Variants in MTHFD1L observed in about 807,000 individuals in gnomAD.
The protein encoded by MTHFD1L is methylenetetrahydrofolate dehydrogenase (NADP+ dependent) 1 like.
In MTHFD1L, 81 loss-of-function variants were observed where a neutral mutation model predicts 119.5. That is an observed-to-expected ratio of 0.68 (90% CI 0.57 to 0.82). MTHFD1L has a LOEUF of 0.82. Ranked by LOEUF, MTHFD1L falls within the 40% of genes least tolerant of loss-of-function variation. MTHFD1L has a pLI of 0.00. For synonymous variants in MTHFD1L, 430 were observed against 475.2 expected (o/e 0.90, Z 1.24); for missense variants, 1,125 against 1,253.4 (o/e 0.90, Z 1.55).
chr6:150,968,846 CTTTT>C (rs145806257), intron 19 of MTHFD1L, among the ~76,000 whole-genome samples: 2 of 108,534 alleles, frequency 1.8e-5, no homozygotes, highest in Non-Finnish European at 3.7e-5. Flanking sequence ...TTAAATAATT[CTTTT>C]TTTTTTTTTT....
At chr6:150,921,546 C>G (rs1333971248) in intron 9 of MTHFD1L, among the ~76,000 whole-genome samples, 1 of 152,186 alleles carries the variant, frequency 6.6e-6, no homozygotes, top group East Asian at 1.9e-4. Flanking sequence ...GCCACCTCAC[C>G]TGGCCTATTT....
At chr6:151,003,443 A>G (rs1780907722) in intron 20 of MTHFD1L, among the ~76,000 whole-genome samples, 1 of 152,070 alleles carries the variant, frequency 6.6e-6, no homozygotes, top group African/African-American at 2.4e-5. Context: ...GAGGCAGGAG[A>G]ATCGCTCGAA....
chr6:150,952,307 T>A (rs1794976968), intron 16 of MTHFD1L, among the ~76,000 whole-genome samples: 1 of 152,224 alleles, frequency 6.6e-6, no homozygotes, highest in African/African-American at 2.4e-5. Flanking sequence ...GAAATAGGAC[T>A]CTTCATCAAA....
At chr6:150,936,983 G>T (rs771493975) in intron 12 of MTHFD1L, 43 bp downstream of exon 12, 15 of 1,600,634 alleles carry the variant, frequency 9.4e-6, no homozygotes, top group Middle Eastern at 1.7e-4. Flanking sequence ...GGCAAAGTTG[G>T]GGGGAGAGAA....
chr6:150,926,201 A>G lies in MTHFD1L; in HGVS notation c.1162A>G (p.Ile388Val), dbSNP rs148879377. ...AKEIGLLADE[I>V]EIYGKSKAKV... ...GGAGATTGGATTGCTTGCAGATGAA[A>G]TTGAAATCTATGGCAAAAGCAAAGC... The change falls in exon 11 of 28, where the codon ATT becomes GTT. Residue 388 changes from isoleucine to valine, a missense_variant. Coordinates refer to ENST00000367321, the MANE Select transcript of MTHFD1L (RefSeq NM_015440.5). The surrounding 1 kb of genome is among the most constrained non-coding windows in gnomAD (Gnocchi z 4.3). The G allele has an allele frequency of 1.3e-4, 216 of 1,614,136 alleles. No homozygotes were observed. The African/African-American group carries it at 2.6e-3, about 20-fold the overall frequency.
intron 26 of MTHFD1L, among the ~76,000 whole-genome samples, chr6:151,067,486 G>A (rs1377695756): frequency 1.3e-5 from 2 of 151,894 alleles, no homozygotes; most frequent in African/African-American, 4.8e-5. Context: ...ACCACACCCA[G>A]CTAATTTTTG....
At chr6:150,958,256 G>T (rs1795928991) in intron 17 of MTHFD1L, among the ~76,000 whole-genome samples, 1 of 152,042 alleles carries the variant, frequency 6.6e-6, no homozygotes, top group African/African-American at 2.4e-5. Context: ...GTCGATAAAG[G>T]TAGACCTGTA....
chr6:151,004,247 C>T (rs528490757), intron 20 of MTHFD1L, among the ~76,000 whole-genome samples: 3 of 152,034 alleles, frequency 2.0e-5, no homozygotes, highest in African/African-American at 4.8e-5. Flanking sequence ...ATCACTTGAA[C>T]GTGGGAGGCG....
At chr6:151,044,811 T>A (rs926241060) in intron 26 of MTHFD1L, among the ~76,000 whole-genome samples, 5 of 152,202 alleles carry the variant, frequency 3.3e-5, no homozygotes, top group African/African-American at 1.2e-4. Flanking sequence ...AGCAGGAAAC[T>A]GCTGGAGCGT....
chr6:150,921,063 C>T (rs9478149), intron 9 of MTHFD1L, among the ~76,000 whole-genome samples: 13,347 of 148,330 alleles, frequency 0.09, 842 homozygotes, highest in African/African-American at 0.18. Context: ...GTGATTCTCC[C>T]GCCTCAGCCT....
intron 1 of MTHFD1L, among the ~76,000 whole-genome samples, chr6:150,872,634 T>C (rs1779729702): frequency 6.6e-6 from 1 of 152,096 alleles, no homozygotes. Flanking sequence ...GTTTGAAATA[T>C]TGTAAGAATT....
chr6:151,087,546 ATCAGAAAATAAATTATT>A lies in MTHFD1L; in HGVS notation c.2848-4913_2848-4897del, dbSNP rs1394163766. On this transcript the variant is annotated intron_variant, in intron 26 of 27. Coordinates refer to ENST00000367321, the MANE Select transcript of MTHFD1L (RefSeq NM_015440.5). ...GAAAAGGTAGTAGATTTCAGGCAAA[ATCAGAAAATAAATTATT>A]TCAGAAACACAACAAAACTAAGTAC... Among the ~76,000 whole-genome samples, 6 of 152,312 alleles carry A rather than the reference ATCAGAAAATAAATTATT, an allele frequency of 3.9e-5. No individual in the cohort carries two copies. In the East Asian group the frequency reaches 1.2e-3, roughly 29 times the overall value.
At chr6:151,058,267 C>A (rs368442046) in intron 26 of MTHFD1L, among the ~76,000 whole-genome samples, 1 of 152,180 alleles carries the variant, frequency 6.6e-6, no homozygotes, top group African/African-American at 2.4e-5. Context: ...TACAGCAAGA[C>A]CCTCTGGGTG....
At chr6:150,880,984 T>C (rs1416019487) in intron 4 of MTHFD1L, among the ~76,000 whole-genome samples, 1 of 152,238 alleles carries the variant, frequency 6.6e-6, no homozygotes, top group Non-Finnish European at 1.5e-5. Context: ...ATATTCTGGA[T>C]GTTAACCCCT....
At chr6:150,977,372 A>G (rs1776732590) in intron 20 of MTHFD1L, among the ~76,000 whole-genome samples, 1 of 152,234 alleles carries the variant, frequency 6.6e-6, no homozygotes, top group African/African-American at 2.4e-5. Flanking sequence ...AGTGACATTT[A>G]TTTTAAAAAA....
rs117649605 is a variant in MTHFD1L, at chr6:150,918,214, C to T, written c.893-363C>T. ...CCAAGTAGCTGGGACTACGGGTACA[C>T]GCCACCATGTCCAGCTGATTTTTAT... On this transcript the variant is annotated intron_variant, in intron 8 of 27. Transcript: ENST00000367321. Among the ~76,000 whole-genome samples, 510 of 152,158 alleles carry T rather than the reference C, an allele frequency of 3.4e-3. 4 individuals carry two copies. The highest frequency in any genetic ancestry group is 5.6e-3 in the Non-Finnish European group (383 of 68,012).
intron 25 of MTHFD1L, among the ~76,000 whole-genome samples, chr6:151,036,413 A>G (rs1296092409): frequency 2.0e-5 from 3 of 152,178 alleles, no homozygotes; most frequent in Non-Finnish European, 2.9e-5. Context: ...CACCTTTGGA[A>G]CTCTGGGTCA....
At chr6:150,960,474 G>A in intron 18 of MTHFD1L, 59 bp downstream of exon 18, 1 of 1,525,188 alleles carries the variant, frequency 6.6e-7, no homozygotes, top group Non-Finnish European at 8.8e-7. Flanking sequence ...TTCGTTACCA[G>A]AAAAAGAAAG....
intron 8 of MTHFD1L, among the ~76,000 whole-genome samples, chr6:150,908,887 G>C (rs2128859489): frequency 6.6e-6 from 1 of 151,862 alleles, no homozygotes; most frequent in East Asian, 1.9e-4. Context: ...TAAACTTTTT[G>C]AAATATTAAA....
Sources: gnomAD v4.1 joint callset for allele counts (sites outside exome capture counted in the v4.1 genomes callset) on GRCh38, gnomAD v4.1.1 for gene constraint, Gnocchi (gnomAD v3.1) non-coding constraint, MANE v1.5 for transcripts, NCBI Gene and HGNC (gene_info 2026-07-23, HGNC 2026-07-21) for gene names.